Variants in RPTOR observed in about 807,000 individuals in gnomAD.
RPTOR encodes regulatory associated protein of MTOR complex 1.
In RPTOR, 21 loss-of-function variants were observed where a neutral mutation model predicts 169.9. The ratio of observed to expected loss-of-function variants is 0.12; its 90% confidence interval spans 0.09 to 0.18. The LOEUF is 0.18. Among genes scored for constraint, RPTOR ranks in the 10% least tolerant of loss-of-function variants. RPTOR has a pLI of 1.00. For synonymous variants in RPTOR, 732 were observed against 753.2 expected (o/e 0.97, Z 0.46); for missense variants, 1,133 against 1,855.9 (o/e 0.61, Z 7.16).
chr17:80,601,836 T>C (rs1240476673), intron 1 of RPTOR, among the ~76,000 whole-genome samples: 1 of 8,882 alleles, frequency 1.1e-4, no homozygotes, highest in Non-Finnish European at 2.7e-4. Flanking sequence ...TTAATCCATT[T>C]AACCCTGAGT....
chr17:80,963,868 G>A (rs960522104), intron 33 of RPTOR, among the ~76,000 whole-genome samples: 4 of 145,240 alleles, frequency 2.8e-5, no homozygotes, highest in East Asian at 3.9e-4. Context: ...CCACCTGCAC[G>A]GCTCTCTGGC....
intron 21 of RPTOR, among the ~76,000 whole-genome samples, chr17:80,920,336 C>T (rs919419482): frequency 2.0e-5 from 3 of 152,212 alleles, no homozygotes; most frequent in African/African-American, 7.2e-5. Flanking sequence ...TCCAGGCCAA[C>T]CCCCTGTGGT....
At chr17:80,627,452 C>T (rs1190819397) in intron 2 of RPTOR, among the ~76,000 whole-genome samples, 1 of 152,234 alleles carries the variant, frequency 6.6e-6, no homozygotes, top group Non-Finnish European at 1.5e-5. Flanking sequence ...CAAGGAAGTT[C>T]CCTTGGGTCC....
At chr17:80,613,165 G>C (rs1272639328) in intron 1 of RPTOR, among the ~76,000 whole-genome samples, 1 of 152,032 alleles carries the variant, frequency 6.6e-6, no homozygotes, top group African/African-American at 2.4e-5. Flanking sequence ...CCACTTTCCT[G>C]CCTCTGCTCC....
intron 27 of RPTOR, among the ~76,000 whole-genome samples, chr17:80,948,059 G>A (rs756181319): frequency 6.6e-6 from 1 of 152,202 alleles, no homozygotes; most frequent in Non-Finnish European, 1.5e-5. Flanking sequence ...ATGAGAAGTC[G>A]CTGTCAGTCC....
intron 1 of RPTOR, among the ~76,000 whole-genome samples, chr17:80,548,371 GTTTTTTTTTTTTT>G (rs34301408): frequency 7.9e-5 from 5 of 63,438 alleles, no homozygotes; most frequent in African/African-American, 1.6e-4. Flanking sequence ...GCCTGGGGTG[GTTTTTTTTTTTTT>G]TTTTTTTTTT....
chr17:80,563,019 G>T (rs1364295056), intron 1 of RPTOR, among the ~76,000 whole-genome samples: 1 of 152,162 alleles, frequency 6.6e-6, no homozygotes, highest in East Asian at 1.9e-4. Flanking sequence ...TGCATCAATA[G>T]TGGGCCGTTT....
intron 1 of RPTOR, among the ~76,000 whole-genome samples, chr17:80,586,794 G>A (rs937690670): frequency 1.7e-4 from 26 of 152,242 alleles, no homozygotes; most frequent in African/African-American, 6.3e-4. Flanking sequence ...TTAGGGTCTG[G>A]ACCAAACGTC....
intron 1 of RPTOR, among the ~76,000 whole-genome samples, chr17:80,563,184 G>A (rs1273259314): frequency 6.6e-6 from 1 of 151,688 alleles, no homozygotes; most frequent in African/African-American, 2.4e-5. Flanking sequence ...TTTTTACTGG[G>A]TCAGCAGGCA....
chr17:80,754,099 C>T lies in RPTOR; in HGVS notation c.744C>T (p.Ala248=). 2 of 1,614,010 alleles carry T rather than the reference C, an allele frequency of 1.2e-6. No homozygotes were observed. Among genetic ancestry groups the T allele is most frequent in the Admixed American group, 1.7e-5 (1 of 60,024 alleles). Residue 248 remains alanine (A), a synonymous_variant, in exon 6 of 34, where the codon GCC becomes GCT. Transcript: ENST00000306801. This position sits in a 1 kb window ranked among gnomAD's most constrained non-coding sequence, Gnocchi z 4.2. ...KNCIQLAACE[A]TELLPMIPDL... ...GCATCCAGCTGGCAGCCTGCGAGGCCACCGAGCTGCTGCCCATGATCCCCG... is the reference window on the plus strand; with the variant it reads ...GCATCCAGCTGGCAGCCTGCGAGGCTACCGAGCTGCTGCCCATGATCCCCG...
chr17:80,640,459 C>A (rs1274715220), intron 2 of RPTOR, among the ~76,000 whole-genome samples: 3 of 152,240 alleles, frequency 2.0e-5, no homozygotes, highest in Non-Finnish European at 1.5e-5. Flanking sequence ...CACCCACTGC[C>A]CTATTCTTGG....
At chr17:80,669,762 A>G (rs1327097040) in intron 3 of RPTOR, among the ~76,000 whole-genome samples, 5 of 152,184 alleles carry the variant, frequency 3.3e-5, no homozygotes, top group Admixed American at 6.5e-5. Flanking sequence ...TGGAGGGACA[A>G]TCTTCTGCAC....
At chr17:80,638,779 T>A (rs1316291762) in intron 2 of RPTOR, among the ~76,000 whole-genome samples, 7 of 152,202 alleles carry the variant, frequency 4.6e-5, no homozygotes, top group African/African-American at 1.7e-4. Flanking sequence ...GACATGTTCA[T>A]CCCCTCATAT....
chr17:80,945,819 C>A, intron 26 of RPTOR, 38 bp downstream of exon 26: 2 of 1,288,970 alleles, frequency 1.6e-6, no homozygotes, highest in Non-Finnish European at 2.1e-6. Flanking sequence ...TTCCGGCTGA[C>A]CGACAGCCCC....
At chr17:80,613,779 G>A (rs1192486775) in intron 1 of RPTOR, among the ~76,000 whole-genome samples, 1 of 151,848 alleles carries the variant, frequency 6.6e-6, no homozygotes, top group East Asian at 1.9e-4. Context: ...AAGTGGTGTT[G>A]GACTCGGGCT....
chr17:80,919,035 C>A (rs906018776), intron 21 of RPTOR, among the ~76,000 whole-genome samples: 1 of 152,216 alleles, frequency 6.6e-6, no homozygotes, highest in Admixed American at 6.5e-5. Context: ...GACACCTCGG[C>A]CTCCACTGAC....
chr17:80,765,363 G>A (rs11869890), intron 6 of RPTOR, among the ~76,000 whole-genome samples: 4 of 152,006 alleles, frequency 2.6e-5, no homozygotes, highest in Non-Finnish European at 5.9e-5. Context: ...ACTTTGCACC[G>A]TCCAGGTCAA....
Position 80,962,959 on chromosome 17 carries a change from A to C in RPTOR, c.3841A>C (p.Asn1281His), listed in dbSNP as rs775516355. The C allele has an allele frequency of 1.2e-6, 2 of 1,613,590 alleles. No individual in the cohort carries two copies. The highest frequency in any genetic ancestry group is 1.7e-6 in the Non-Finnish European group (2 of 1,179,972). Reference protein sequence around the residue: ...GSVNQFTAIYNSSGELINNIK... With the variant: ...GSVNQFTAIYHSSGELINNIK... Reference sequence around the variant, plus strand: ...CGTCAATCAGTTCACCGCCATCTACAACAGCAGCGGAGAGCTCATCAACAA... The same window carrying C: ...CGTCAATCAGTTCACCGCCATCTACCACAGCAGCGGAGAGCTCATCAACAA... The change falls in exon 33 of 34, where the codon AAC (asparagine) becomes CAC (histidine). Residue 1281 changes from asparagine to histidine, a missense_variant. By Grantham distance (68) the Asn-to-His change is moderately conservative. Coordinates refer to ENST00000306801, the MANE Select transcript of RPTOR (RefSeq NM_020761.3).
At chr17:80,586,057 G>C (rs2065058153) in intron 1 of RPTOR, among the ~76,000 whole-genome samples, 1 of 152,020 alleles carries the variant, frequency 6.6e-6, no homozygotes, top group African/African-American at 2.4e-5. Flanking sequence ...CAGTTTGTCG[G>C]GAGGCGCTCT....
Sources: allele counts gnomAD v4.1 joint callset (sites outside exome capture counted in the v4.1 genomes callset), GRCh38; gene constraint gnomAD v4.1.1; non-coding constraint Gnocchi (gnomAD v3.1); transcripts MANE v1.5; gene names NCBI Gene and HGNC (gene_info 2026-07-23, HGNC 2026-07-21).